IL15: variants seen among roughly 807,000 people sequenced by gnomAD.
IL15 encodes the protein interleukin 15, also known as interleukin-15.
IL15 carries 11 observed loss-of-function variants against 19.6 expected under a neutral mutation model. That is an observed-to-expected ratio of 0.56 (90% CI 0.35 to 0.93). The LOEUF (loss-of-function observed/expected upper bound fraction) is 0.93. Ranked by LOEUF, IL15 falls within the 40% of genes least tolerant of loss-of-function variation. The probability of loss-of-function intolerance (pLI) is 0.01; values close to 1 mark genes in which losing one functional copy is unlikely to be tolerated. For synonymous variants in IL15, 58 were observed against 59.6 expected, an observed-to-expected ratio of 0.97 and a Z score of 0.12; for missense variants, 197 against 186.5, an observed-to-expected ratio of 1.06 and a Z score of -0.33.
In IL15 at chr4:141,710,334, A is replaced by T. The variant is rs145555532; in HGVS notation, c.-99-9032A>T. Among the ~76,000 whole-genome samples the T allele has an allele frequency of 8.8e-4, 134 of 152,230 alleles. 1 individual carries two copies. Among genetic ancestry groups the T allele is most frequent in the African/African-American group, 3.1e-3 (130 of 41,544 alleles). On this transcript the variant is annotated intron_variant, in intron 2 of 7. Transcript: ENST00000320650. ...ACATTCTCAGAGAGTTTTAACTTTT[A>T]TCCATGTGCATTATCCATTATATTG...
At chr4:141,730,282 C>T (rs1730409184) in intron 7 of IL15, among the ~76,000 whole-genome samples, 1 of 152,130 alleles carries the variant, frequency 6.6e-6, no homozygotes, top group African/African-American at 2.4e-5. Flanking sequence ...TTGTCAGGTG[C>T]AGTGGATAGA....
At chr4:141,642,398 G>T (rs374123133) in intron 1 of IL15, among the ~76,000 whole-genome samples, 4 of 152,274 alleles carry the variant, frequency 2.6e-5, no homozygotes, top group East Asian at 1.9e-4. Context: ...GAAAGTTGTA[G>T]GGTATGCCAG....
chr4:141,645,183 A>T (rs1461662218), intron 1 of IL15, among the ~76,000 whole-genome samples: 1 of 152,172 alleles, frequency 6.6e-6, no homozygotes, highest in African/African-American at 2.4e-5. Context: ...ACTCCGTTAG[A>T]TAAAAGACAT....
intron 5 of IL15, among the ~76,000 whole-genome samples, chr4:141,727,391 A>G (rs57586089): frequency 2.0e-3 from 310 of 151,584 alleles, no homozygotes; most frequent in African/African-American, 6.9e-3. Context: ...AAGGTTACAT[A>G]TGATATGAGT....
chr4:141,649,482 TC>T (rs939522037), intron 1 of IL15, among the ~76,000 whole-genome samples: 1 of 151,986 alleles, frequency 6.6e-6, no homozygotes, highest in African/African-American at 2.4e-5. Context: ...CATGCACACT[TC>T]CTATAGAGGG....
chr4:141,672,347 T>A (rs915008270), intron 2 of IL15, among the ~76,000 whole-genome samples: 3 of 152,228 alleles, frequency 2.0e-5, no homozygotes, highest in Non-Finnish European at 4.4e-5. Flanking sequence ...TTTAAGTCAG[T>A]TTTCCTCTTA....
At chr4:141,720,428 A>G (rs540546748) in intron 3 of IL15, 41 bp from the exon 4 acceptor site, 1 of 1,027,898 alleles carries the variant, frequency 9.7e-7, no homozygotes, top group African/African-American at 1.6e-5. Context: ...TCACTTTTTA[A>G]CTAAAAAATT....
At chr4:141,683,543 C>T (rs1004654341) in intron 2 of IL15, among the ~76,000 whole-genome samples, 81 of 150,056 alleles carry the variant, frequency 5.4e-4, no homozygotes, top group African/African-American at 1.9e-3. Context: ...TGCACTCCAG[C>T]CTGGGTGACA....
chr4:141,668,218 A>G lies in IL15; in HGVS notation c.-100+11911A>G, dbSNP rs145827729. ...TACACGCACATCCTTGTTCAGAAGT[A>G]TTTTCTTTAGGATGGAAGGCCCTTT... is the stretch of plus-strand genomic sequence containing the variant. On this transcript the variant is annotated intron_variant, in intron 2 of 7. Coordinates refer to ENST00000320650, the MANE Select transcript of IL15 (RefSeq NM_000585.5). Among the ~76,000 whole-genome samples the G allele has an allele frequency of 2.0e-3, 304 of 152,242 alleles. 1 individual carries two copies. Among genetic ancestry groups the G allele is most frequent in the Non-Finnish European group, 3.6e-3 (245 of 68,010 alleles).
intron 2 of IL15, chr4:141,715,794 A>T (rs1402247886): frequency 6.6e-6 from 1 of 152,196 alleles, no homozygotes; most frequent in African/African-American, 2.4e-5. Context: ...TGTTTAATTA[A>T]TTTTAAATGT....
At chr4:141,729,350 T>C (rs138266158) in intron 6 of IL15, among the ~76,000 whole-genome samples, 27 of 152,168 alleles carry the variant, frequency 1.8e-4, no homozygotes, top group African/African-American at 5.3e-4. Flanking sequence ...TGCCTGTAAG[T>C]GGACACTAGT....
At chr4:141,637,220 A>G (rs945304449) in intron 1 of IL15, 1 of 152,394 alleles carries the variant, frequency 6.6e-6, no homozygotes, top group Non-Finnish European at 1.5e-5. Context: ...GAAGGCCAAG[A>G]AAAGGTACCG....
At position 141,729,848 on chromosome 4, in the gene IL15, C is replaced by T; in HGVS notation, c.242C>T (p.Pro81Leu). ...ATLYTESDVH[P>L]SCKVTAMKCF... ...GTTCTTTATAACTTTTATTTTTAGCCCAGTTGCAAAGTAACAGCAATGAAG... is the reference window on the plus strand; with the variant it reads ...GTTCTTTATAACTTTTATTTTTAGCTCAGTTGCAAAGTAACAGCAATGAAG... Residue 81 changes from proline (P) to leucine (L), a missense_variant and splice_region_variant, in exon 7 of 8, where the codon CCC becomes CTC. By Grantham distance (98) the Pro-to-Leu change is moderately conservative (BLOSUM62 -3). Coordinates refer to ENST00000320650, the MANE Select transcript of IL15 (RefSeq NM_000585.5). The T allele has an allele frequency of 1.3e-6, 2 of 1,520,474 alleles. No homozygotes were observed. The highest frequency in any genetic ancestry group is 2.3e-5 in the East Asian group (1 of 43,944). 94.2% of individuals were successfully genotyped at this position (1,520,474 alleles called of 1,614,324 possible).
intron 2 of IL15, among the ~76,000 whole-genome samples, chr4:141,662,854 C>A (rs1016825034): frequency 6.6e-6 from 1 of 151,952 alleles, no homozygotes. Flanking sequence ...TTGATTTAAA[C>A]CCTTAAAGAA....
At chr4:141,645,535 G>A (rs1273687280) in intron 1 of IL15, among the ~76,000 whole-genome samples, 1 of 152,108 alleles carries the variant, frequency 6.6e-6, no homozygotes, top group Non-Finnish European at 1.5e-5. Flanking sequence ...TGCATTTCTA[G>A]CCTTCACTAA....
At chr4:141,710,155 T>G (rs139768856) in intron 2 of IL15, among the ~76,000 whole-genome samples, 3,176 of 152,298 alleles carry the variant, frequency 0.021, 59 homozygotes, top group Non-Finnish European at 0.031. Flanking sequence ...AGTCTACTGT[T>G]AATGTGGAAT....
chr4:141,661,079 T>C (rs1727770577), intron 2 of IL15, among the ~76,000 whole-genome samples: 1 of 152,054 alleles, frequency 6.6e-6, no homozygotes, highest in Admixed American at 6.6e-5. Flanking sequence ...AGAATGGCAT[T>C]GAAGGGAATC....
chr4:141,712,391 A>AT (rs1265809325), intron 2 of IL15, among the ~76,000 whole-genome samples: 1 of 151,972 alleles, frequency 6.6e-6, no homozygotes, highest in African/African-American at 2.4e-5. Flanking sequence ...ACTAGCTGGG[A>AT]TTTTTCAAAA....
At chr4:141,710,209 G>T (rs1387608106) in intron 2 of IL15, among the ~76,000 whole-genome samples, 2 of 152,166 alleles carry the variant, frequency 1.3e-5, no homozygotes, top group African/African-American at 4.8e-5. Flanking sequence ...GGCCCCTGGG[G>T]CAGGATACCC....
Sources: gnomAD v4.1 joint callset for allele counts (sites outside exome capture counted in the v4.1 genomes callset) on GRCh38, gnomAD v4.1.1 for gene constraint, MANE v1.5 for transcripts, NCBI Gene and HGNC (gene_info 2026-07-23, HGNC 2026-07-21) for gene names.